The following ROCK2 variants were observed in gnomAD, a reference collection of about 807,000 sequenced individuals.
ROCK2 encodes rho-associated protein kinase 2.
ROCK2 carries 61 observed loss-of-function variants against 195.1 expected under a neutral mutation model. The ratio of observed to expected loss-of-function variants is 0.31; its 90% CI spans 0.25 to 0.39. The LOEUF (loss-of-function observed/expected upper bound fraction) is 0.39. ROCK2 is among the 10% of genes least tolerant of loss of function. The pLI is 1.00. For synonymous variants in ROCK2, 504 were observed against 545.5 expected (o/e 0.92, Z 1.06); for missense variants, 1,109 against 1,637.4 (o/e 0.68, Z 5.57).
At chr2:11,209,861 T>C (rs1348739582) in intron 18 of ROCK2, among the ~76,000 whole-genome samples, 1 of 152,242 alleles carries the variant, frequency 6.6e-6, no homozygotes, top group Non-Finnish European at 1.5e-5. Context: ...ATTCCCCATG[T>C]AGTACTAATA....
intron 20 of ROCK2, among the ~76,000 whole-genome samples, chr2:11,205,047 G>A (rs965278723): frequency 9.2e-5 from 14 of 152,168 alleles, no homozygotes; most frequent in African/African-American, 3.4e-4. Context: ...AGTTTAAGAT[G>A]AGAGGCTTTA....
At chr2:11,184,340 G>A (rs1405060508) in intron 32 of ROCK2, among the ~76,000 whole-genome samples, 1 of 152,164 alleles carries the variant, frequency 6.6e-6, no homozygotes, top group Admixed American at 6.5e-5. Context: ...ACTTGAAAAC[G>A]TTGTAAATTT....
chr2:11,210,924 TA>T (rs1664226450), intron 18 of ROCK2, among the ~76,000 whole-genome samples: 1 of 152,314 alleles, frequency 6.6e-6, no homozygotes, highest in South Asian at 2.1e-4. Context: ...ATGCAATAAT[TA>T]AAAGGCTATT....
At chr2:11,186,638 G>A (rs748221742) in intron 32 of ROCK2, among the ~76,000 whole-genome samples, 1 of 152,098 alleles carries the variant, frequency 6.6e-6, no homozygotes, top group Non-Finnish European at 1.5e-5. Context: ...TGAGCACAGT[G>A]TACATGGAGC....
intron 32 of ROCK2, among the ~76,000 whole-genome samples, chr2:11,190,266 T>C (rs559320050): frequency 2.8e-4 from 42 of 151,890 alleles, no homozygotes; most frequent in Middle Eastern, 6.8e-3. Context: ...CATGCAGATA[T>C]GAGGGAAAGA....
In ROCK2 at chr2:11,238,588, C is replaced by T. The variant is rs528247488; in HGVS notation, c.463-2626G>A. Among the ~76,000 whole-genome samples the T allele has an allele frequency of 3.9e-5, 6 of 152,258 alleles. 1 individual carries two copies. In the South Asian group the frequency reaches 1.2e-3, roughly 32 times the overall value. On this transcript the variant is annotated intron_variant, in intron 4 of 32. Transcript: ENST00000315872. Reference sequence around the variant, plus strand: ...ACTGGCCAGGCACGGTGGCTCACGCCGGTAATCCCAACACTTGAGGAGGCC... The same window carrying T: ...ACTGGCCAGGCACGGTGGCTCACGCTGGTAATCCCAACACTTGAGGAGGCC...
chr2:11,264,274 C>T (rs1163512364), intron 3 of ROCK2, among the ~76,000 whole-genome samples: 3 of 152,056 alleles, frequency 2.0e-5, no homozygotes, highest in Admixed American at 1.3e-4. Flanking sequence ...GGTGTTCATA[C>T]ATAACTGGAT....
chr2:11,232,780 C>G (rs1665065985), intron 5 of ROCK2, among the ~76,000 whole-genome samples: 1 of 152,134 alleles, frequency 6.6e-6, no homozygotes, highest in Non-Finnish European at 1.5e-5. Context: ...TCTATGGAAT[C>G]ACTATCTAGA....
chr2:11,336,593 C>G (rs1468534667), intron 1 of ROCK2, among the ~76,000 whole-genome samples: 1 of 152,154 alleles, frequency 6.6e-6, no homozygotes, highest in African/African-American at 2.4e-5. Flanking sequence ...ACAATAGAAC[C>G]AGGACTGATG....
intron 1 of ROCK2, among the ~76,000 whole-genome samples, chr2:11,317,627 T>TTTTTTTTTAA (rs1192587957): frequency 3.2e-5 from 1 of 31,444 alleles, no homozygotes. Flanking sequence ...TTTTTTTTTT[T>TTTTTTTTTAA]AATTATACTT....
intron 1 of ROCK2, among the ~76,000 whole-genome samples, chr2:11,309,182 A>C: frequency 1.9e-5 from 1 of 53,772 alleles, no homozygotes; most frequent in African/African-American, 4.1e-5. Context: ...ACTTTCTATT[A>C]AAAAAAAAAA....
At chr2:11,238,576 G>T (rs564151988) in intron 4 of ROCK2, among the ~76,000 whole-genome samples, 4 of 152,102 alleles carry the variant, frequency 2.6e-5, no homozygotes, top group Non-Finnish European at 5.9e-5. Flanking sequence ...GGCCAGGCAC[G>T]GTGGCTCACG....
At chr2:11,231,831 T>C (rs956816523) in intron 5 of ROCK2, among the ~76,000 whole-genome samples, 6 of 152,194 alleles carry the variant, frequency 3.9e-5, no homozygotes, top group African/African-American at 7.2e-5. Context: ...AAGTTTATAG[T>C]TGTATTTTAT....
At position 11,197,653 on chromosome 2, in the gene ROCK2, C is replaced by T. The variant is rs766176402; in HGVS notation, c.3152G>A (p.Gly1051Asp). The change falls in exon 26 of 33, where the codon GGT (glycine) becomes GAT (aspartate). Residue 1051 changes from glycine to aspartate, a missense_variant. Coordinates refer to ENST00000315872, the MANE Select transcript of ROCK2 (RefSeq NM_004850.5). The surrounding 1 kb of genome is among the most constrained non-coding windows in gnomAD (Gnocchi z 4.9). ...IMNRKEPVKR[G>D]NDTDVRRKEK... ...TTTTCTCCGCACATCTGTGTCATTA[C>T]CACGCTTGACAGGTTCTTTTCGATT... 6.2e-7 allele frequency: 1 copy of T among 1,609,872 alleles called. No individual in the cohort carries two copies. Among genetic ancestry groups the T allele is most frequent in the South Asian group, 1.1e-5 (1 of 90,112 alleles).
At chr2:11,207,689 A>T (rs1287403914) in intron 20 of ROCK2, 37 bp downstream of exon 20, 1 of 1,494,152 alleles carries the variant, frequency 6.7e-7, no homozygotes, top group Non-Finnish European at 9.1e-7. Context: ...TACATGGATA[A>T]TTATGCATAT....
intron 3 of ROCK2, among the ~76,000 whole-genome samples, chr2:11,278,088 G>C (rs995893625): frequency 6.6e-6 from 1 of 152,130 alleles, no homozygotes; most frequent in African/African-American, 2.4e-5. Context: ...TTAATTTTCT[G>C]TGTTGAGAAC....
chr2:11,240,133 A>C (rs552804248), intron 4 of ROCK2, among the ~76,000 whole-genome samples: 25 of 152,284 alleles, frequency 1.6e-4, no homozygotes, highest in Middle Eastern at 3.4e-3. Context: ...TGATTAATTA[A>C]ATCACTGGCC....
rs902728334 is a variant in ROCK2, at chr2:11,184,745, G to C, written c.4164-1305C>G. ...CAACATCATCAAATGACCAATCCCAGTCTTTAAATGCCAAATCAAGCAATC... is the reference window on the plus strand; with the variant it reads ...CAACATCATCAAATGACCAATCCCACTCTTTAAATGCCAAATCAAGCAATC... On this transcript the variant is annotated intron_variant, in intron 32 of 32. Coordinates refer to ENST00000315872, the MANE Select transcript of ROCK2 (RefSeq NM_004850.5). 12 of 984,162 alleles carry C rather than the reference G, an allele frequency of 1.2e-5. No homozygotes were observed. The East Asian group carries it at 1.4e-3, about 112-fold the overall frequency. The allele number at this position is 984,162 out of a possible 1,614,324, so 61.0% of individuals were successfully genotyped here. A position where few individuals can be genotyped will look rare whatever the true frequency, so the allele number is the denominator to read the frequency against.
intron 1 of ROCK2, among the ~76,000 whole-genome samples, chr2:11,310,302 CTGTAAAG>C (rs772639042): frequency 5.3e-5 from 8 of 152,044 alleles, no homozygotes; most frequent in Non-Finnish European, 1.0e-4. Context: ...CTGGCCATCA[CTGTAAAG>C]TCTTATTTAC....
Sources: gnomAD v4.1 joint callset for allele counts (sites outside exome capture counted in the v4.1 genomes callset) on GRCh38, gnomAD v4.1.1 for gene constraint, Gnocchi (gnomAD v3.1) non-coding constraint, MANE v1.5 for transcripts, NCBI Gene and HGNC (gene_info 2026-07-23, HGNC 2026-07-21) for gene names.